Variants in CTPS1 observed in about 807,000 individuals in gnomAD.
CTPS1 encodes the protein CTP synthetase 1.
Under a neutral mutation model 80.5 loss-of-function variants are expected in CTPS1, and 25 were observed. That is an observed-to-expected ratio of 0.31 (90% CI 0.23 to 0.43). CTPS1 has a LOEUF of 0.43. Among genes scored for constraint, CTPS1 ranks in the 20% least tolerant of loss-of-function variants. The pLI, the probability that CTPS1 is intolerant of heterozygous loss-of-function variation, is 1.00. For synonymous variants in CTPS1, 267 were observed against 252.5 expected (o/e 1.06, Z -0.54); for missense variants, 442 against 725.7 (o/e 0.61, Z 4.49).
Position 41,006,005 on chromosome 1 carries a change from A to G in CTPS1, c.1253-46A>G, listed in dbSNP as rs1306636051. 2.7e-6 allele frequency: 4 copies of G among 1,462,264 alleles called. No individual in the cohort carries two copies. The Admixed American group carries it at 6.7e-5, about 24-fold the overall frequency. 90.6% of individuals were successfully genotyped at this position (1,462,264 alleles called of 1,614,324 possible). A position where few individuals can be genotyped will look rare whatever the true frequency, so the allele number is the denominator to read the frequency against. ...GAGCTTAGCAATGAAACTATTAATC[A>G]CTTTCGTTTGTAACTATTTTCATAA... On this transcript the variant is annotated intron_variant, in intron 12 of 18. Transcript: ENST00000650070.
chr1:40,982,077 C>CCCAGCT, intron 1 of CTPS1: 1 of 1,082,390 alleles, frequency 9.2e-7, no homozygotes, highest in Non-Finnish European at 1.2e-6. Context: ...GATCCTGGAC[C>CCCAGCT]TCTGAAGCTG....
chr1:40,999,897 C>G (rs554835247), intron 9 of CTPS1, among the ~76,000 whole-genome samples: 66 of 152,248 alleles, frequency 4.3e-4, no homozygotes, highest in Non-Finnish European at 7.1e-4. Flanking sequence ...CCCATAATCC[C>G]AACACTTAGG....
Position 40,984,802 on chromosome 1 carries a change from GT to G in CTPS1, c.167-16del. ...AGGTATTTTTCACTTAACGTAAATG[GT>G]TTCTCTGTTCACTGCAGGTGAGGTT... On this transcript the variant is annotated intron_variant, in intron 2 of 18. Coordinates refer to ENST00000650070, the MANE Select transcript of CTPS1 (RefSeq NM_001905.4). 3.4e-6 allele frequency: 5 copies of G among 1,492,100 alleles called. No homozygotes were observed. The highest frequency in any genetic ancestry group is 4.5e-6 in the Non-Finnish European group (5 of 1,110,564). 92.4% of individuals were successfully genotyped at this position (1,492,100 alleles called of 1,614,324 possible).
chr1:41,012,159 G>T lies in CTPS1; in HGVS notation c.*511G>T, dbSNP rs935006333. 2.6e-5 allele frequency: 4 copies of T among 152,248 alleles called. No homozygotes were observed. Among genetic ancestry groups the T allele is most frequent in the African/African-American group, 9.6e-5 (4 of 41,544 alleles). 9.4% of individuals were successfully genotyped at this position (152,248 alleles called of 1,614,324 possible). ...ATCTCTATACTGCCCTGAGTTGGGG[G>T]GAATTCTCAGTGCCAACTGTGGCTG... On this transcript the variant is annotated 3_prime_UTR_variant, in exon 19 of 19. Coordinates refer to ENST00000650070, the MANE Select transcript of CTPS1 (RefSeq NM_001905.4).
intron 12 of CTPS1, among the ~76,000 whole-genome samples, chr1:41,005,276 C>G (rs1643004513): frequency 6.6e-6 from 1 of 151,852 alleles, no homozygotes. Flanking sequence ...GAAACCCCGT[C>G]TCTACTAAAA....
In CTPS1 at chr1:40,984,876, T is replaced by C. The variant is rs201994529; in HGVS notation, c.222T>C (p.Tyr74=). The C allele has an allele frequency of 1.2e-5, 19 of 1,602,842 alleles. No homozygotes were observed. The highest frequency in any genetic ancestry group is 5.3e-5 in the African/African-American group (4 of 74,870). ...GGEVDLDLGN[Y]ERFLDIRLTK... is the part of the protein sequence containing the mutation. The stretch of plus-strand genomic sequence containing the variant: ...AAGTAGACCTTGACCTGGGTAACTA[T>C]GAGCGGTTCCTTGACATCCGCCTCA... Residue 74 remains tyrosine, a synonymous_variant, in exon 3 of 19, where the codon TAT becomes TAC. Transcript: ENST00000650070.
intron 6 of CTPS1, 67 bp downstream of exon 6, chr1:40,991,315 C>T (rs1413745204): frequency 1.6e-6 from 2 of 1,213,994 alleles, no homozygotes; most frequent in Non-Finnish European, 2.3e-6. Context: ...TCTATCATGA[C>T]AGACAAGACC....
chr1:40,993,774 C>CTTTTTTTTTTTTTTTTTTTTTTTTTTTT (rs71278720), intron 7 of CTPS1, among the ~76,000 whole-genome samples: 1 of 85,772 alleles, frequency 1.2e-5, no homozygotes, highest in Non-Finnish European at 2.2e-5. Context: ...TTTCTTCTCT[C>CTTTTTTTTTTTTTTTTTTTTTTTTTTTT]TTTTTTTTTT....
chr1:40,997,663 G>GTA, intron 9 of CTPS1, 137 bp downstream of exon 9: 2 of 1,140,088 alleles, frequency 1.8e-6, no homozygotes, highest in Non-Finnish European at 2.4e-6. Flanking sequence ...GGATTAAAAA[G>GTA]ATTTGTGGTT....
chr1:41,011,061 C>T (rs546444656), intron 18 of CTPS1, among the ~76,000 whole-genome samples: 12 of 152,298 alleles, frequency 7.9e-5, no homozygotes, highest in East Asian at 3.9e-4. Context: ...TCCTGCACAC[C>T]GTGTGTTCAT....
intron 9 of CTPS1, among the ~76,000 whole-genome samples, chr1:40,999,327 C>T (rs1433699657): frequency 6.6e-6 from 1 of 152,100 alleles, no homozygotes; most frequent in Non-Finnish European, 1.5e-5. Flanking sequence ...ATGAACTGGG[C>T]CAAATCTGGG....
Position 41,007,561 on chromosome 1 carries a change from C to T in CTPS1, c.1393+16C>T, listed in dbSNP as rs759115129. The T allele has an allele frequency of 1.9e-5, 31 of 1,609,630 alleles. No homozygotes were observed. The highest frequency in any genetic ancestry group is 1.7e-4 in the Middle Eastern group (1 of 5,788). On this transcript the variant is annotated intron_variant, in intron 14 of 18. Transcript: ENST00000650070. The surrounding 1 kb of genome is among the most constrained non-coding windows in gnomAD (Gnocchi z 4.4). ...TCAGTCATGAGTAAGAGCTGCCTCA[C>T]GCTGGCCCAGCCTTTGGCTCTGCGT...
At chr1:40,983,185 A>G (rs1034780349) in intron 1 of CTPS1, 93 bp from the exon 2 acceptor site, 1 of 1,052,670 alleles carries the variant, frequency 9.5e-7, no homozygotes, top group Non-Finnish European at 1.4e-6. Context: ...AAGAGGGTTC[A>G]TAGCTAATAA....
At chr1:40,994,127 G>A (rs536139625) in intron 7 of CTPS1, among the ~76,000 whole-genome samples, 3 of 152,098 alleles carry the variant, frequency 2.0e-5, no homozygotes, top group East Asian at 1.9e-4. Flanking sequence ...TTTAAATTTC[G>A]ATGAAGTCCA....
chr1:40,984,124 CA>C (rs1381640825), intron 2 of CTPS1, among the ~76,000 whole-genome samples: 1 of 152,184 alleles, frequency 6.6e-6, no homozygotes, highest in East Asian at 1.9e-4. Context: ...CAAATGGCAT[CA>C]GGAAAAGATC....
At chr1:41,006,888 G>A (rs1259998903) in intron 13 of CTPS1, among the ~76,000 whole-genome samples, 2 of 152,180 alleles carry the variant, frequency 1.3e-5, no homozygotes, top group African/African-American at 4.8e-5. Context: ...AAGGCCTCAG[G>A]AGTGGACCAG....
At chr1:40,986,926 C>T (rs1424264975) in intron 3 of CTPS1, among the ~76,000 whole-genome samples, 1 of 152,196 alleles carries the variant, frequency 6.6e-6, no homozygotes, top group Non-Finnish European at 1.5e-5. Flanking sequence ...CTCTGCTGTG[C>T]TGTGCTGGCT....
intron 18 of CTPS1, among the ~76,000 whole-genome samples, chr1:41,010,524 T>A (rs1427733119): frequency 6.6e-6 from 1 of 152,190 alleles, no homozygotes; most frequent in Non-Finnish European, 1.5e-5. Flanking sequence ...TGGGCAGTTG[T>A]CTCAATACTG....
chr1:40,983,619 C>CTTTTTT (rs56179408), intron 2 of CTPS1, among the ~76,000 whole-genome samples, 163 bp downstream of exon 2: 13 of 140,310 alleles, frequency 9.3e-5, no homozygotes, highest in Non-Finnish European at 1.1e-4. Context: ...AAGCAGAATT[C>CTTTTTT]TTTTTTTTTT....
Sources: allele counts gnomAD v4.1 joint callset (sites outside exome capture counted in the v4.1 genomes callset), GRCh38; gene constraint gnomAD v4.1.1; non-coding constraint Gnocchi (gnomAD v3.1); transcripts MANE v1.5; gene names NCBI Gene and HGNC (gene_info 2026-07-23, HGNC 2026-07-21).